NOSTRIN: variants seen among roughly 807,000 people sequenced by gnomAD.
NOSTRIN encodes BM247 homolog.
A neutral mutation model predicts 59.0 loss-of-function variants in NOSTRIN; 63 were observed. The observed-to-expected ratio is 1.07, with a 90% CI of 0.87 to 1.32. The LOEUF is 1.32. Ranked by LOEUF, NOSTRIN falls within the 40% of genes most tolerant of loss-of-function variation. The pLI is 0.00. For synonymous variants in NOSTRIN, 200 were observed against 165.4 expected, an observed-to-expected ratio of 1.21 and a Z score of -1.61; for missense variants, 512 against 473.1, an observed-to-expected ratio of 1.08 and a Z score of -0.76.
chr2:168,832,548 A>C (rs950946010), intron 6 of NOSTRIN, among the ~76,000 whole-genome samples: 1 of 152,180 alleles, frequency 6.6e-6, no homozygotes, highest in Non-Finnish European at 1.5e-5. Flanking sequence ...AGAGACAGGC[A>C]AACTTGGTGT....
chr2:168,848,143 A>G (rs976864227), intron 8 of NOSTRIN, among the ~76,000 whole-genome samples: 1 of 152,238 alleles, frequency 6.6e-6, no homozygotes, highest in Non-Finnish European at 1.5e-5. Context: ...AGATTGTCAC[A>G]TAGGAGATCC....
rs1685349007 is a variant in NOSTRIN, at chr2:168,791,399, A to G, written c.-473+3351A>G. 2.0e-5 allele frequency among the ~76,000 whole-genome samples: 3 copies of G among 152,156 alleles called. 1 individual carries two copies. In the South Asian group the frequency reaches 6.2e-4, roughly 32 times the overall value. On this transcript the variant is annotated intron_variant, in intron 2 of 20. Transcript: ENST00000458381. Reference sequence around the variant, plus strand: ...TCTTAATCCAGTCTATCATTGTTGGACATTTGGGTTGGTTCCAAGTCTTTG... The same window carrying G: ...TCTTAATCCAGTCTATCATTGTTGGGCATTTGGGTTGGTTCCAAGTCTTTG...
intron 6 of NOSTRIN, among the ~76,000 whole-genome samples, chr2:168,832,840 C>T (rs886128832): frequency 3.1e-4 from 47 of 152,040 alleles, no homozygotes; most frequent in African/African-American, 1.1e-3. Flanking sequence ...CAGGCTGATC[C>T]CGAACTCCTG....
At chr2:168,816,844 T>C (rs1686432105) in intron 2 of NOSTRIN, among the ~76,000 whole-genome samples, 1 of 152,224 alleles carries the variant, frequency 6.6e-6, no homozygotes, top group African/African-American at 2.4e-5. Flanking sequence ...AGATGCTCAC[T>C]GAGTAAATGA....
chr2:168,848,773 A>G (rs566172353), intron 8 of NOSTRIN, among the ~76,000 whole-genome samples: 1 of 152,318 alleles, frequency 6.6e-6, no homozygotes, highest in South Asian at 2.1e-4. Context: ...GGTGGTTGCC[A>G]GGGGATGCAG....
chr2:168,857,144 G>A (rs1689180089), intron 12 of NOSTRIN, among the ~76,000 whole-genome samples: 1 of 152,150 alleles, frequency 6.6e-6, no homozygotes, highest in African/African-American at 2.4e-5. Flanking sequence ...CTGTTTACAG[G>A]GACCTGGGTC....
intron 2 of NOSTRIN, among the ~76,000 whole-genome samples, chr2:168,813,776 TACAAAGAACAGATCTA>T (rs968555770): frequency 1.3e-4 from 20 of 152,158 alleles, no homozygotes; most frequent in Admixed American, 3.9e-4. Flanking sequence ...ATAGTATGAG[TACAAAGAACAGATCTA>T]ATATTTTACC....
At chr2:168,829,517 C>T (rs192523403) in intron 5 of NOSTRIN, among the ~76,000 whole-genome samples, 28 of 152,200 alleles carry the variant, frequency 1.8e-4, no homozygotes, top group African/African-American at 6.5e-4. Flanking sequence ...GACCAGGGAT[C>T]GCTATGTTGG....
chr2:168,790,210 T>C (rs1685312296), intron 2 of NOSTRIN, among the ~76,000 whole-genome samples: 1 of 152,210 alleles, frequency 6.6e-6, no homozygotes, highest in African/African-American at 2.4e-5. Flanking sequence ...CTATGGCAAC[T>C]TTGCCATAAA....
intron 1 of NOSTRIN, among the ~76,000 whole-genome samples, chr2:168,803,318 A>T (rs1192140455): frequency 6.6e-6 from 1 of 151,578 alleles, no homozygotes; most frequent in Middle Eastern, 3.2e-3. Flanking sequence ...AGGAGATAAG[A>T]AGCAACTAAA....
Position 168,834,507 on chromosome 2 carries a change from G to GCGCGCGCACACACACACA in NOSTRIN, c.504+183_504+184insGCGCGCACACACACACAC, listed in dbSNP as rs756381301. Among the ~76,000 whole-genome samples, 104 of 125,428 alleles carry GCGCGCGCACACACACACA rather than the reference G, an allele frequency of 8.3e-4. 1 individual carries two copies. Among genetic ancestry groups the GCGCGCGCACACACACACA allele is most frequent in the Middle Eastern group, 8.3e-3 (2 of 240 alleles). 82.3% of individuals were successfully genotyped at this position (125,428 alleles called of 152,430 possible). A position where few individuals can be genotyped will look rare whatever the true frequency, so the allele number is the denominator to read the frequency against. ...TACTGGCGTGCGCGCGCGCGCGCGC[G>GCGCGCGCACACACACACA]CACACACACACACACACACACACAC... On this transcript the variant is annotated intron_variant, in intron 7 of 15. Transcript: ENST00000317647.
intron 10 of NOSTRIN, among the ~76,000 whole-genome samples, chr2:168,854,217 A>C (rs1404554789): frequency 1.3e-5 from 2 of 152,216 alleles, no homozygotes; most frequent in African/African-American, 4.8e-5. Flanking sequence ...TATGTAAATA[A>C]AATATTTTTA....
Position 168,856,570 on chromosome 2 carries a change from G to A in NOSTRIN, c.965-120G>A, listed in dbSNP as rs528794074. 237 of 762,924 alleles carry A rather than the reference G, an allele frequency of 3.1e-4. 5 individuals carry two copies. The highest frequency in any genetic ancestry group is 2.2e-3 in the South Asian group (129 of 59,004). 47.3% of individuals were successfully genotyped at this position (762,924 alleles called of 1,614,324 possible). On this transcript the variant is annotated intron_variant, in intron 11 of 15. Coordinates refer to ENST00000317647, the MANE Select transcript of NOSTRIN (RefSeq NM_001039724.4). ...AGCCTGGGTGACAGAGCAAGACTCC[G>A]TCTTAAAAAAAAAAATCTCACTGGT... is the stretch of plus-strand genomic sequence containing the variant.
chr2:168,855,512 A>G (rs1689026881), intron 11 of NOSTRIN, 52 bp downstream of exon 11: 1 of 1,018,244 alleles, frequency 9.8e-7, no homozygotes, highest in African/African-American at 1.6e-5. Flanking sequence ...TGATGCTCAG[A>G]GGTTTCATTC....
At chr2:168,842,528 A>C (rs530244899) in intron 7 of NOSTRIN, among the ~76,000 whole-genome samples, 4 of 152,230 alleles carry the variant, frequency 2.6e-5, no homozygotes, top group Non-Finnish European at 5.9e-5. Context: ...ATAGGACAGT[A>C]GCCAGACTCA....
chr2:168,840,147 CTT>C (rs1229552202), intron 7 of NOSTRIN, among the ~76,000 whole-genome samples: 2 of 151,902 alleles, frequency 1.3e-5, no homozygotes, highest in Admixed American at 6.6e-5. Context: ...CCATGACTCT[CTT>C]TGAGTCCTTG....
At chr2:168,790,228 C>G (rs1212758941) in intron 2 of NOSTRIN, among the ~76,000 whole-genome samples, 1 of 152,094 alleles carries the variant, frequency 6.6e-6, no homozygotes, top group Admixed American at 6.5e-5. Flanking sequence ...AAAGATAATA[C>G]TAGTAATAAA....
intron 8 of NOSTRIN, chr2:168,850,779 T>C: frequency 1.3e-6 from 1 of 741,088 alleles, no homozygotes; most frequent in Non-Finnish European, 2.3e-6. Context: ...CTGGAATCCA[T>C]GATTGTGTCT....
chr2:168,797,079 C>CTTTTCTTTTTTTTTTTTTTTTT (rs1553519713), upstream of NOSTRIN, among the ~76,000 whole-genome samples: 1 of 75,054 alleles, frequency 1.3e-5, no homozygotes, highest in Non-Finnish European at 2.5e-5. Flanking sequence ...TTTCTTTTTT[C>CTTTTCTTTTTTTTTTTTTTTTT]TTTTTTTTTT....
Sources: gnomAD v4.1 joint callset for allele counts (sites outside exome capture counted in the v4.1 genomes callset) on GRCh38, gnomAD v4.1.1 for gene constraint, MANE v1.5 for transcripts, NCBI Gene and HGNC (gene_info 2026-07-23, HGNC 2026-07-21) for gene names.